Variants in SLC25A10 observed in about 807,000 individuals in gnomAD.
The protein encoded by SLC25A10 is mitochondrial dicarboxylate carrier.
In SLC25A10, 32 loss-of-function variants were observed where a neutral mutation model predicts 40.4. That is an observed-to-expected ratio of 0.79 (90% CI 0.60 to 1.06). The LOEUF (loss-of-function observed/expected upper bound fraction) is 1.06. Ranked by LOEUF, SLC25A10 falls within the 50% of genes least tolerant of loss-of-function variation. The probability of loss-of-function intolerance (pLI) is 0.00; values close to 1 mark genes in which losing one functional copy is unlikely to be tolerated. For missense variants in SLC25A10, 394 were observed against 402.6 expected (o/e 0.98, Z 0.18); for synonymous variants, 181 against 171.1 (o/e 1.06, Z -0.45).
At chr17:81,714,611 G>A (rs146463243) in intron 1 of SLC25A10, among the ~76,000 whole-genome samples, 205 of 152,238 alleles carry the variant, frequency 1.3e-3, no homozygotes, top group Non-Finnish European at 2.2e-3. Flanking sequence ...CTCCTCGCTG[G>A]GCCCAAATCC....
chr17:81,714,747 G>A (rs377525984), intron 1 of SLC25A10, among the ~76,000 whole-genome samples: 36 of 152,210 alleles, frequency 2.4e-4, no homozygotes, highest in Non-Finnish European at 3.4e-4. Context: ...CGCGGGGCTC[G>A]CGGACACTCT....
chr17:81,719,946 G>T, intron 10 of SLC25A10, 30 bp from the exon 11 acceptor site: 1 of 1,613,660 alleles, frequency 6.2e-7, no homozygotes, highest in Non-Finnish European at 8.5e-7. Context: ...TTCGGGCTCT[G>T]TGTCTCTCAT....
At chr17:81,716,141 G>GCCGT in intron 5 of SLC25A10, 91 bp downstream of exon 5, 1 of 1,395,480 alleles carries the variant, frequency 7.2e-7, no homozygotes, top group Non-Finnish European at 9.9e-7. Context: ...ACCCAGCTGA[G>GCCGT]GCTCCAGCAG....
At chr17:81,717,096 T>C (rs1301811473) in intron 7 of SLC25A10, 24 bp downstream of exon 7, 4 of 1,609,904 alleles carry the variant, frequency 2.5e-6, no homozygotes, top group Non-Finnish European at 3.4e-6. Context: ...GTGGGGTGGG[T>C]GTGGGCAGTG....
chr17:81,717,781 C>G lies in SLC25A10; in HGVS notation c.628-3C>G. 1 of 1,611,180 alleles carries G rather than the reference C, an allele frequency of 6.2e-7. No homozygotes were observed. ...GGCCGCTGGTGACGAGCCCCCTCCTCAGGGTGGATGTGCCACGTTCCTGTG... is the reference window on the plus strand; with the variant it reads ...GGCCGCTGGTGACGAGCCCCCTCCTGAGGGTGGATGTGCCACGTTCCTGTG... On this transcript the variant is annotated splice_region_variant and splice_polypyrimidine_tract_variant and intron_variant, in intron 8 of 10. Coordinates refer to ENST00000350690, the MANE Select transcript of SLC25A10 (RefSeq NM_012140.5).
intron 1 of SLC25A10, among the ~76,000 whole-genome samples, chr17:81,714,412 C>T (rs1179991917): frequency 2.0e-5 from 3 of 152,200 alleles, no homozygotes; most frequent in Admixed American, 1.3e-4. Flanking sequence ...CAGAGGAGGC[C>T]GCTATGCCCT....
intron 9 of SLC25A10, among the ~76,000 whole-genome samples, chr17:81,718,706 T>C (rs1341034800): frequency 6.6e-6 from 1 of 150,396 alleles, no homozygotes; most frequent in African/African-American, 2.5e-5. Context: ...TCCCAACACT[T>C]TGGGAGGCCA....
At position 81,715,693 on chromosome 17, in the gene SLC25A10, G is replaced by A; in HGVS notation, c.329G>A (p.Gly110Asp). The A allele has an allele frequency of 2.5e-6, 4 of 1,613,382 alleles. No individual in the cohort carries two copies. The highest frequency in any genetic ancestry group is 2.2e-5 in the South Asian group (2 of 91,088). Residue 110 changes from glycine to aspartate, a missense_variant and splice_region_variant, in exon 4 of 11, where the codon GGT (glycine) becomes GAT (aspartate). Physicochemically the swap from Gly to Asp is moderately conservative, Grantham distance 94. Transcript: ENST00000350690. ...ATCTCTGGGGTTTGTGTCACCGCAG[G>A]TTTAGCTGGAGGCTTCGTGGGGACG... is the stretch of plus-strand genomic sequence containing the variant. The part of the protein sequence containing the change: ...HEKVLLGSVS[G>D]LAGGFVGTPA...
chr17:81,713,588 G>A, intron 1 of SLC25A10: 1 of 678,950 alleles, frequency 1.5e-6, no homozygotes, highest in Non-Finnish European at 1.8e-6. Flanking sequence ...GCCACAGGCA[G>A]CCACGGCCAG....
chr17:81,716,565 G>T (rs959845468), intron 5 of SLC25A10: 12 of 586,920 alleles, frequency 2.0e-5, no homozygotes, highest in Non-Finnish European at 2.7e-5. Flanking sequence ...AGGCCTGCAT[G>T]CTAGGAGCGG....
chr17:81,715,763 C>T (rs1319845175), intron 4 of SLC25A10, 22 bp downstream of exon 4: 1 of 1,612,988 alleles, frequency 6.2e-7, no homozygotes, highest in Non-Finnish European at 8.5e-7. Context: ...CCCACCCCAC[C>T]TGCAAGGCCA....
chr17:81,720,522 G>T lies in SLC25A10; in HGVS notation c.*445G>T. 1 of 1,301,738 alleles carries T rather than the reference G, an allele frequency of 7.7e-7. No individual in the cohort carries two copies. The highest frequency in any genetic ancestry group is 9.7e-7 in the Non-Finnish European group (1 of 1,029,670). The allele number at this position is 1,301,738 out of a possible 1,614,324, so 80.6% of individuals were successfully genotyped here. A position where few individuals can be genotyped will look rare whatever the true frequency, so the allele number is the denominator to read the frequency against. On this transcript the variant is annotated 3_prime_UTR_variant, in exon 11 of 11. Coordinates refer to ENST00000350690, the MANE Select transcript of SLC25A10 (RefSeq NM_012140.5). ...TGTTGCTCACCCAAGTGCTAGCTCT[G>T]CACTTCGTGTCTGCTGAGAGCAACC...
intron 2 of SLC25A10, 24 bp from the exon 3 acceptor site, chr17:81,715,454 C>G: frequency 1.9e-6 from 3 of 1,596,528 alleles, no homozygotes; most frequent in Non-Finnish European, 2.6e-6. Context: ...GCCCGTCCCT[C>G]CAAGCCAGGC....
intron 1 of SLC25A10, 122 bp downstream of exon 1, chr17:81,712,641 G>A: frequency 1.5e-6 from 1 of 674,180 alleles, no homozygotes; most frequent in Non-Finnish European, 2.1e-6. Flanking sequence ...CTCCTGGAGA[G>A]CGCGAGGAGG....
Position 81,714,837 on chromosome 17 carries a change from G to A in SLC25A10, c.94-116G>A, listed in dbSNP as rs934428778. ...TCCAGGCACGGGTGTGGAGTCCCCGGGCAGGGCCGTGGGAGGCCTTATCAC... is the reference window on the plus strand; with the variant it reads ...TCCAGGCACGGGTGTGGAGTCCCCGAGCAGGGCCGTGGGAGGCCTTATCAC... On this transcript the variant is annotated intron_variant, in intron 1 of 10. Transcript: ENST00000350690. 8.5e-6 allele frequency: 12 copies of A among 1,409,898 alleles called. No individual in the cohort carries two copies. In the African/African-American group the frequency reaches 1.5e-4, roughly 18 times the overall value. 87.3% of individuals were successfully genotyped at this position (1,409,898 alleles called of 1,614,324 possible).
intron 4 of SLC25A10, 126 bp from the exon 5 acceptor site, chr17:81,715,883 G>A: frequency 7.1e-7 from 1 of 1,407,300 alleles, no homozygotes; most frequent in Admixed American, 1.8e-5. Flanking sequence ...AGGAGGGTGG[G>A]TGTCCCTGAG....
intron 10 of SLC25A10, 42 bp downstream of exon 10, chr17:81,719,929 G>A (rs1171863045): frequency 9.3e-6 from 15 of 1,613,366 alleles, no homozygotes; most frequent in South Asian, 3.3e-5. Context: ...AATGGGGAGC[G>A]GGCCCCTTCG....
intron 7 of SLC25A10, 101 bp downstream of exon 7, chr17:81,717,173 T>G: frequency 6.8e-6 from 9 of 1,314,734 alleles, no homozygotes; most frequent in Non-Finnish European, 9.7e-6. Context: ...AAAACCCTCC[T>G]GGGGAGCCAC....
intron 5 of SLC25A10, among the ~76,000 whole-genome samples, chr17:81,716,474 C>T (rs1047861842): frequency 6.6e-6 from 1 of 152,174 alleles, no homozygotes; most frequent in East Asian, 1.9e-4. Context: ...CCCGCCCCTT[C>T]CAAGGACCCC....
Sources: gnomAD v4.1 joint callset for allele counts (sites outside exome capture counted in the v4.1 genomes callset) on GRCh38, gnomAD v4.1.1 for gene constraint, MANE v1.5 for transcripts, NCBI Gene and HGNC (gene_info 2026-07-23, HGNC 2026-07-21) for gene names.